Variants in ANO3 observed in about 807,000 individuals in gnomAD.
The protein encoded by ANO3 is anoctamin-3.
ANO3 carries 99 observed loss-of-function variants against 144.8 expected under a neutral mutation model. The observed-to-expected ratio is 0.68, with a 90% CI of 0.58 to 0.81. ANO3 has a LOEUF of 0.81. Ranked by LOEUF, ANO3 falls within the 30% of genes least tolerant of loss-of-function variation. The pLI is 0.00. For synonymous variants in ANO3, 414 were observed against 392.6 expected (o/e 1.05, Z -0.64); for missense variants, 905 against 1,202.2 (o/e 0.75, Z 3.66).
intron 1 of ANO3, among the ~76,000 whole-genome samples, chr11:26,277,307 T>A (rs1445612830): frequency 6.6e-6 from 1 of 152,082 alleles, no homozygotes; most frequent in African/African-American, 2.4e-5. Context: ...AGAAAACAAT[T>A]TGGAAGGAAA....
chr11:26,196,000 T>A (rs1223237322), intron 1 of ANO3, among the ~76,000 whole-genome samples: 1 of 152,214 alleles, frequency 6.6e-6, no homozygotes, highest in Non-Finnish European at 1.5e-5. Flanking sequence ...TTGTTCTGCC[T>A]ATTTATCTTA....
intron 4 of ANO3, among the ~76,000 whole-genome samples, chr11:26,505,147 G>T (rs1010499798): frequency 6.6e-6 from 1 of 151,716 alleles, no homozygotes; most frequent in Non-Finnish European, 1.5e-5. Flanking sequence ...TAATGAAGGT[G>T]TTAGAAAGTG....
chr11:26,521,358 C>T (rs1862069436), intron 6 of ANO3, among the ~76,000 whole-genome samples: 1 of 152,170 alleles, frequency 6.6e-6, no homozygotes, highest in Non-Finnish European at 1.5e-5. Context: ...TTGAAACCTA[C>T]CTGTCATATT....
chr11:26,658,267 T>C (rs550245927), intron 26 of ANO3, among the ~76,000 whole-genome samples: 20 of 152,288 alleles, frequency 1.3e-4, no homozygotes, highest in African/African-American at 4.3e-4. Flanking sequence ...TGAATAAACT[T>C]TTTAATTATA....
At chr11:26,578,242 C>A (rs1036693460) in intron 14 of ANO3, among the ~76,000 whole-genome samples, 3 of 152,180 alleles carry the variant, frequency 2.0e-5, no homozygotes, top group Non-Finnish European at 2.9e-5. Flanking sequence ...AAGATGACTA[C>A]CACAAGGAGT....
In ANO3 at chr11:26,326,037, G is replaced by A. The variant is rs60698499; in HGVS notation, c.-3+16318G>A. On this transcript the variant is annotated intron_variant, in intron 1 of 26. Transcript: ENST00000525139. Reference sequence around the variant, plus strand: ...CATATCTCTGCTAAGTCAAGAAGAGGCCCTCCATGACCAAGTGCTGATTTT... The same window carrying A: ...CATATCTCTGCTAAGTCAAGAAGAGACCCTCCATGACCAAGTGCTGATTTT... Among the ~76,000 whole-genome samples, 7 of 152,218 alleles carry A rather than the reference G, an allele frequency of 4.6e-5. No individual in the cohort carries two copies. The East Asian group carries it at 1.2e-3, about 25-fold the overall frequency.
At chr11:26,204,664 G>A (rs191002173) in intron 1 of ANO3, among the ~76,000 whole-genome samples, 32 of 152,180 alleles carry the variant, frequency 2.1e-4, no homozygotes, top group Admixed American at 2.1e-3. Context: ...CTCTTATTTG[G>A]TTTGAGATAG....
chr11:26,632,261 A>G (rs1052960659), intron 18 of ANO3, among the ~76,000 whole-genome samples: 1 of 151,460 alleles, frequency 6.6e-6, no homozygotes, highest in African/African-American at 2.4e-5. Context: ...AATATGTACA[A>G]ACCAGACTGG....
chr11:26,260,371 AC>A (rs370671862), intron 1 of ANO3, among the ~76,000 whole-genome samples: 92 of 152,256 alleles, frequency 6.0e-4, no homozygotes, highest in African/African-American at 2.1e-3. Flanking sequence ...TACAATTACT[AC>A]TTTTTACAAG....
intron 1 of ANO3, among the ~76,000 whole-genome samples, chr11:26,312,415 G>T (rs1296290561): frequency 2.6e-5 from 4 of 152,154 alleles, no homozygotes; most frequent in African/African-American, 9.7e-5. Context: ...TTGAGGAATT[G>T]CCACATTGTC....
chr11:26,559,628 G>T, intron 13 of ANO3, 91 bp from the exon 14 acceptor site: 1 of 872,404 alleles, frequency 1.1e-6, no homozygotes, highest in South Asian at 1.4e-5. Flanking sequence ...TTCTATTTGA[G>T]AAAAAATCAT....
intron 17 of ANO3, among the ~76,000 whole-genome samples, chr11:26,614,911 G>C (rs293936): frequency 0.13 from 19,616 of 151,916 alleles, 1,474 homozygotes; most frequent in Admixed American, 0.22. Flanking sequence ...TTGTTTATTT[G>C]TTGTTTTGGT....
At chr11:26,530,471 ATCTATC>A (rs1326296647) in intron 7 of ANO3, among the ~76,000 whole-genome samples, 1 of 65,758 alleles carries the variant, frequency 1.5e-5, no homozygotes, top group African/African-American at 4.1e-5. Context: ...CTATCTATCT[ATCTATC>A]TATCTATCTA....
At chr11:26,657,841 G>A (rs1043658514) in intron 26 of ANO3, among the ~76,000 whole-genome samples, 1 of 152,102 alleles carries the variant, frequency 6.6e-6, no homozygotes, top group Non-Finnish European at 1.5e-5. Flanking sequence ...TCTGTCTTCC[G>A]TATGATATTT....
At chr11:26,627,854 T>TGC (rs1554981583) in intron 18 of ANO3, among the ~76,000 whole-genome samples, 2,454 of 139,664 alleles carry the variant, frequency 0.018, 65 homozygotes, top group Admixed American at 0.079. Context: ...TGTGTGTGTG[T>TGC]GCGCCTGACA....
At position 26,606,016 on chromosome 11, in the gene ANO3, A is replaced by C. The variant is rs191886080; in HGVS notation, c.1836+6302A>C. 7.2e-5 allele frequency among the ~76,000 whole-genome samples: 11 copies of C among 151,930 alleles called. No homozygotes were observed. In the East Asian group the frequency reaches 2.1e-3, roughly 29 times the overall value. On this transcript the variant is annotated intron_variant, in intron 17 of 26. Coordinates refer to ENST00000256737, the MANE Select transcript of ANO3 (RefSeq NM_031418.4). ...TTTGCCTTTCCTTCTCTAGTTCTTT[A>C]AATTGTGATGTTAGGGTGCTGATTT...
Position 26,404,947 on chromosome 11 carries a change from G to A in ANO3, c.47-36971G>A, listed in dbSNP as rs879344790. On this transcript the variant is annotated intron_variant, in intron 1 of 26. Transcript: ENST00000256737. ...AATTTATATATATGTGTGTGTGTGT[G>A]TGTGTGTGTGTGTGTGTGTGTGTGT... Among the ~76,000 whole-genome samples the A allele has an allele frequency of 9.0e-3, 1,300 of 143,742 alleles. 15 individuals are homozygous for A. The highest frequency in any genetic ancestry group is 0.013 in the Non-Finnish European group (810 of 64,378). The allele number at this position is 143,742 out of a possible 152,430, so 94.3% of individuals were successfully genotyped here. A position where few individuals can be genotyped will look rare whatever the true frequency, so the allele number is the denominator to read the frequency against.
intron 1 of ANO3, among the ~76,000 whole-genome samples, chr11:26,377,907 T>A: frequency 6.6e-6 from 1 of 152,208 alleles, no homozygotes; most frequent in Non-Finnish European, 1.5e-5. Flanking sequence ...CCATGCAGAA[T>A]TGCATACTTT....
intron 13 of ANO3, among the ~76,000 whole-genome samples, chr11:26,556,941 C>T (rs1309931967): frequency 6.6e-6 from 1 of 152,072 alleles, no homozygotes; most frequent in Admixed American, 6.6e-5. Context: ...ACCTATAAAG[C>T]AACTTTAGAA....
Sources: gnomAD v4.1 joint callset for allele counts (sites outside exome capture counted in the v4.1 genomes callset) on GRCh38, gnomAD v4.1.1 for gene constraint, MANE v1.5 for transcripts, NCBI Gene and HGNC (gene_info 2026-07-23, HGNC 2026-07-21) for gene names.